ANKRD34A: variants seen among roughly 807,000 people sequenced by gnomAD.
The protein encoded by ANKRD34A is ankyrin repeat domain 34A, also known as ankyrin repeat domain-containing protein 34A.
In ANKRD34A, 7 loss-of-function variants were observed where a neutral mutation model predicts 27.1. The ratio of observed to expected loss-of-function variants is 0.26; its 90% confidence interval spans 0.15 to 0.49. The LOEUF (loss-of-function observed/expected upper bound fraction) is 0.49. ANKRD34A is among the 20% of genes least tolerant of loss of function. The pLI, the probability that ANKRD34A is intolerant of heterozygous loss-of-function variation, is 0.99. For missense variants in ANKRD34A, 472 were observed against 682.1 expected (o/e 0.69, Z 3.43); for synonymous variants, 301 against 300.8 (o/e 1.00, Z -0.01).
rs940693557 is a variant in ANKRD34A at position 145,961,832 on chromosome 1, G to A, written c.-73C>T. The A allele has an allele frequency of 1.0e-5, 15 of 1,489,434 alleles. No individual in the cohort carries two copies. The highest frequency in any genetic ancestry group is 1.3e-5 in the South Asian group (1 of 77,018). 92.3% of individuals were successfully genotyped at this position (1,489,434 alleles called of 1,614,324 possible). A position where few individuals can be genotyped will look rare whatever the true frequency, so the allele number is the denominator to read the frequency against. Reference sequence around the variant, plus strand: ...CCGAGGATGACTAGGGGTATGGGGAGGGGGAGTGGCTGGCAGAGGCCTGAG... The same window carrying A: ...CCGAGGATGACTAGGGGTATGGGGAAGGGGAGTGGCTGGCAGAGGCCTGAG... On this transcript the variant is annotated 5_prime_UTR_variant, in exon 4 of 4. Transcript: ENST00000606888. This position sits in a 1 kb window ranked among gnomAD's most constrained non-coding sequence, Gnocchi z 9.5.
Position 145,959,968 on chromosome 1 carries a change from A to C in ANKRD34A, c.*301T>G. On this transcript the variant is annotated 3_prime_UTR_variant, in exon 4 of 4. Transcript: ENST00000606888. ...CTGAACAAATGCAAGAGAGTTTGGGACCCTAGCCCTGTGTGTTTATTGATA... is the reference window on the plus strand; with the variant it reads ...CTGAACAAATGCAAGAGAGTTTGGGCCCCTAGCCCTGTGTGTTTATTGATA... The C allele has an allele frequency of 2.7e-6, 1 of 371,602 alleles. No individual in the cohort carries two copies. The highest frequency in any genetic ancestry group is 5.0e-6 in the Non-Finnish European group (1 of 200,324). 23.0% of individuals were successfully genotyped at this position (371,602 alleles called of 1,614,324 possible).
rs1553761186 is a variant in ANKRD34A at position 145,960,652 on chromosome 1, T to G, written c.1108A>C (p.Thr370Pro). Residue 370 changes from threonine to proline, a missense_variant, in exon 4 of 4, where the codon ACC (threonine) becomes CCC (proline). Coordinates refer to ENST00000606888, the MANE Select transcript of ANKRD34A (RefSeq NM_001039888.4). This position sits in a 1 kb window ranked among gnomAD's most constrained non-coding sequence, Gnocchi z 5.5. Reference sequence around the variant, plus strand: ...GGAGCCGAGCCGGCTGGAGGGAGGGTCAACGGGGAGGCGCTGTATCGGCGG... The same window carrying G: ...GGAGCCGAGCCGGCTGGAGGGAGGGGCAACGGGGAGGCGCTGTATCGGCGG... ...ERRRYSASPL[T>P]LPPAGSAPSP... The G allele has an allele frequency of 1.3e-6, 2 of 1,594,328 alleles. No individual in the cohort carries two copies. Among genetic ancestry groups the G allele is most frequent in the Non-Finnish European group, 1.7e-6 (2 of 1,168,492 alleles).
At position 145,960,341 on chromosome 1, in the gene ANKRD34A, G is replaced by A. The variant is rs781823824; in HGVS notation, c.1419C>T (p.Ser473=). The stretch of plus-strand genomic sequence containing the variant: ...GCAGGCGGATCTGCTCAGTCTGCAT[G>A]GAGTGGCGTCTCACCAATTTGCGCT... ...RTKRKLVRRH[S]MQTEQIRLLG... The change falls in exon 4 of 4, where the codon TCC becomes TCT. Residue 473 remains serine (S), a synonymous_variant. Transcript: ENST00000606888. The surrounding 1 kb of genome is among the most constrained non-coding windows in gnomAD (Gnocchi z 5.5). The A allele has an allele frequency of 1.6e-5, 26 of 1,612,914 alleles. No individual in the cohort carries two copies. Among genetic ancestry groups the A allele is most frequent in the Non-Finnish European group, 2.2e-5 (26 of 1,179,338 alleles).
At position 145,964,203 on chromosome 1, in the gene ANKRD34A, C is replaced by A. The variant is rs1360505399; in HGVS notation, c.-916G>T. 6.6e-6 allele frequency: 1 copy of A among 152,498 alleles called. No individual in the cohort carries two copies. The highest frequency in any genetic ancestry group is 1.5e-5 in the Non-Finnish European group (1 of 68,144). 9.4% of individuals were successfully genotyped at this position (152,498 alleles called of 1,614,324 possible). A position where few individuals can be genotyped will look rare whatever the true frequency, so the allele number is the denominator to read the frequency against. On this transcript the variant is annotated 5_prime_UTR_variant, in exon 1 of 4. Coordinates refer to ENST00000606888, the MANE Select transcript of ANKRD34A (RefSeq NM_001039888.4). ...GCCCACCTTCTCACAGACACGGCAGCAACCCACAGAAAAACATTTTTAGAA... is the reference window on the plus strand; with the variant it reads ...GCCCACCTTCTCACAGACACGGCAGAAACCCACAGAAAAACATTTTTAGAA...
In ANKRD34A at chr1:145,962,870, T is replaced by G; in HGVS notation, c.-570A>C. 6.6e-6 allele frequency: 1 copy of G among 152,322 alleles called. No homozygotes were observed. The highest frequency in any genetic ancestry group is 1.9e-4 in the East Asian group (1 of 5,190). 9.4% of individuals were successfully genotyped at this position (152,322 alleles called of 1,614,324 possible). A position where few individuals can be genotyped will look rare whatever the true frequency, so the allele number is the denominator to read the frequency against. ...ACCCAGACAGGGACCATCATCCAGA[T>G]TCTTCGCTGAGATTCAGCAGATCCC... On this transcript the variant is annotated 5_prime_UTR_variant, in exon 3 of 4. Transcript: ENST00000606888.
chr1:145,960,252 G>A lies in ANKRD34A; in HGVS notation c.*17C>T, dbSNP rs1029591017. On this transcript the variant is annotated 3_prime_UTR_variant, in exon 4 of 4. Transcript: ENST00000606888. The surrounding 1 kb of genome is among the most constrained non-coding windows in gnomAD (Gnocchi z 5.5). ...TAAGGTCCTAATCCCCACCCTCCTT[G>A]GCTCCTCTCACTCCTCTCAGCGCCC... 2.0e-6 allele frequency: 3 copies of A among 1,503,606 alleles called. No homozygotes were observed. In the East Asian group the frequency reaches 7.0e-5, roughly 35 times the overall value. 93.1% of individuals were successfully genotyped at this position (1,503,606 alleles called of 1,614,324 possible).
chr1:145,964,435 T>G lies in ANKRD34A; in HGVS notation c.-1148A>C, dbSNP rs1423243196. On this transcript the variant is annotated 5_prime_UTR_variant, in exon 1 of 4. Coordinates refer to ENST00000606888, the MANE Select transcript of ANKRD34A (RefSeq NM_001039888.4). ...CTCAACACGGTCCCTCGATGAGATA[T>G]GAGTGTCACGTTCCCTCGGTGAACT... is the stretch of plus-strand genomic sequence containing the variant. 2 of 152,366 alleles carry G rather than the reference T, an allele frequency of 1.3e-5. No homozygotes were observed. Among genetic ancestry groups the G allele is most frequent in the East Asian group, 1.9e-4 (1 of 5,184 alleles). The allele number at this position is 152,366 out of a possible 1,614,324, so 9.4% of individuals were successfully genotyped here.
chr1:145,961,224 C>T lies in ANKRD34A; in HGVS notation c.536G>A (p.Gly179Glu), dbSNP rs1649742594. The T allele has an allele frequency of 6.2e-7, 1 of 1,613,952 alleles. No individual in the cohort carries two copies. Among genetic ancestry groups the T allele is most frequent in the East Asian group, 2.2e-5 (1 of 44,864 alleles). Residue 179 changes from glycine (G) to glutamate (E), a missense_variant, in exon 4 of 4, where the codon GGG (glycine) becomes GAG (glutamate). By Grantham distance (98) the Gly-to-Glu change is moderately conservative. This residue lies in a region of ANKRD34A where 295 missense variants were observed against 335.0 expected (regional missense o/e 0.88). Transcript: ENST00000606888. The surrounding 1 kb of genome is among the most constrained non-coding windows in gnomAD (Gnocchi z 9.5). ...GATTTCCGAAGGCGACGTGCAGAAC[C>T]CCGGGCTAGGAGAGGCGGGAGCAGG... Reference protein sequence around the residue: ...EDPAPASPSPGFCTSPSEIQL... With the variant: ...EDPAPASPSPEFCTSPSEIQL...
Position 145,964,301 on chromosome 1 carries a change from C to T in ANKRD34A, c.-1014G>A, listed in dbSNP as rs1235302748. The T allele has an allele frequency of 1.3e-5, 2 of 152,882 alleles. No individual in the cohort carries two copies. Among genetic ancestry groups the T allele is most frequent in the African/African-American group, 4.8e-5 (2 of 41,534 alleles). 9.5% of individuals were successfully genotyped at this position (152,882 alleles called of 1,614,324 possible). On this transcript the variant is annotated 5_prime_UTR_variant, in exon 1 of 4. Coordinates refer to ENST00000606888, the MANE Select transcript of ANKRD34A (RefSeq NM_001039888.4). ...AGGAAGGCTGGAGTAATGGAGAGACCAAGCTATGAAGCTAGAGTCACAAAA... is the reference window on the plus strand; with the variant it reads ...AGGAAGGCTGGAGTAATGGAGAGACTAAGCTATGAAGCTAGAGTCACAAAA...
Position 145,961,153 on chromosome 1 carries a change from G to C in ANKRD34A, c.607C>G (p.Arg203Gly), listed in dbSNP as rs149951044. The part of the protein sequence containing the change: ...GGGGRGMLSP[R>G]AQEEEEKRDV... Reference sequence around the variant, plus strand: ...CGCTTCTCCTCTTCTTCCTGGGCGCGAGGGGATAACATCCCACGCCCTCCT... The same window carrying C: ...CGCTTCTCCTCTTCTTCCTGGGCGCCAGGGGATAACATCCCACGCCCTCCT... Residue 203 changes from arginine to glycine, a missense_variant, in exon 4 of 4, where the codon CGC (arginine) becomes GGC (glycine). By Grantham distance (125) the Arg-to-Gly change is moderately radical. This residue lies in a region of ANKRD34A where 295 missense variants were observed against 335.0 expected (regional missense o/e 0.88). Coordinates refer to ENST00000606888, the MANE Select transcript of ANKRD34A (RefSeq NM_001039888.4). This position sits in a 1 kb window ranked among gnomAD's most constrained non-coding sequence, Gnocchi z 9.5. The C allele has an allele frequency of 6.2e-7, 1 of 1,614,162 alleles. No homozygotes were observed. The highest frequency in any genetic ancestry group is 1.3e-5 in the African/African-American group (1 of 75,046).
In ANKRD34A at chr1:145,961,911, G is replaced by T; in HGVS notation, c.-120-32C>A. 1.1e-6 allele frequency: 1 copy of T among 939,958 alleles called. No homozygotes were observed. The highest frequency in any genetic ancestry group is 1.5e-6 in the Non-Finnish European group (1 of 650,800). 58.2% of individuals were successfully genotyped at this position (939,958 alleles called of 1,614,324 possible). ...GAGAGACATCTCATTGATAGATTCG[G>T]CAGGAAAACTGAGGCACAGATGCAG... On this transcript the variant is annotated intron_variant, in intron 3 of 3. Transcript: ENST00000606888. This position sits in a 1 kb window ranked among gnomAD's most constrained non-coding sequence, Gnocchi z 9.5.
Position 145,961,188 on chromosome 1 carries a change from G to T in ANKRD34A, c.572C>A (p.Thr191Asn). 6.2e-7 allele frequency: 1 copy of T among 1,614,170 alleles called. No homozygotes were observed. The highest frequency in any genetic ancestry group is 2.2e-5 in the East Asian group (1 of 44,880). ...CTSPSEIQLQ[T>N]AGGGGRGMLS... ...CATCCCACGCCCTCCTCCTCCAGCG[G>T]TCTGCAGTTGGATTTCCGAAGGCGA... Residue 191 changes from threonine to asparagine, a missense_variant, in exon 4 of 4, where the codon ACC becomes AAC. Around this residue, in one of 4 missense-constraint regions of ANKRD34A, gnomAD observed 295 missense variants for 335.0 expected, o/e 0.88. Coordinates refer to ENST00000606888, the MANE Select transcript of ANKRD34A (RefSeq NM_001039888.4). This position sits in a 1 kb window ranked among gnomAD's most constrained non-coding sequence, Gnocchi z 9.5.
At position 145,961,976 on chromosome 1, in the gene ANKRD34A, G is replaced by C. The variant is rs190240217; in HGVS notation, c.-120-97C>G. On this transcript the variant is annotated intron_variant, in intron 3 of 3. Coordinates refer to ENST00000606888, the MANE Select transcript of ANKRD34A (RefSeq NM_001039888.4). The surrounding 1 kb of genome is among the most constrained non-coding windows in gnomAD (Gnocchi z 9.5). ...GTGGAGGAGACCTTCACGGCATACA[G>C]TCCTTCCTCTAACTCATGCCTTTGA... The C allele has an allele frequency of 5.1e-6, 3 of 582,746 alleles. No individual in the cohort carries two copies. The African/African-American group carries it at 5.8e-5, about 11-fold the overall frequency. 36.1% of individuals were successfully genotyped at this position (582,746 alleles called of 1,614,324 possible). A position where few individuals can be genotyped will look rare whatever the true frequency, so the allele number is the denominator to read the frequency against.
chr1:145,961,179 C>G lies in ANKRD34A; in HGVS notation c.581G>C (p.Gly194Ala). 1 of 1,614,188 alleles carries G rather than the reference C, an allele frequency of 6.2e-7. No individual in the cohort carries two copies. The highest frequency in any genetic ancestry group is 8.5e-7 in the Non-Finnish European group (1 of 1,180,020). ...PSEIQLQTAG[G>A]GGRGMLSPRA... The stretch of plus-strand genomic sequence containing the variant: ...AGGGGATAACATCCCACGCCCTCCT[C>G]CTCCAGCGGTCTGCAGTTGGATTTC... The change falls in exon 4 of 4, where the codon GGA becomes GCA. Residue 194 changes from glycine to alanine, a missense_variant. Transcript: ENST00000606888. This position sits in a 1 kb window ranked among gnomAD's most constrained non-coding sequence, Gnocchi z 9.5.
chr1:145,963,115 C>G (rs1649864220), intron 2 of ANKRD34A, 147 bp from the exon 3 acceptor site: 1 of 152,592 alleles, frequency 6.6e-6, no homozygotes, highest in Non-Finnish European at 1.5e-5. Context: ...AGATACACCC[C>G]CGCCCCATCT....
rs1649833507 is a variant in ANKRD34A at position 145,962,613 on chromosome 1, G to A, written c.-313C>T. On this transcript the variant is annotated 5_prime_UTR_variant, in exon 3 of 4. Coordinates refer to ENST00000606888, the MANE Select transcript of ANKRD34A (RefSeq NM_001039888.4). The stretch of plus-strand genomic sequence containing the variant: ...CCGGAGCGCCCCGGGCACAGCGCCG[G>A]CTCGGGAGGAGAGAAGCTTGGCGGG... 7.6e-6 allele frequency: 1 copy of A among 131,104 alleles called. No individual in the cohort carries two copies. The allele number at this position is 131,104 out of a possible 1,614,324, so 8.1% of individuals were successfully genotyped here.
Position 145,960,807 on chromosome 1 carries a change from G to A in ANKRD34A, c.953C>T (p.Pro318Leu), listed in dbSNP as rs781956817. The change falls in exon 4 of 4, where the codon CCA becomes CTA. Residue 318 changes from proline to leucine, a missense_variant. This residue lies in a region of ANKRD34A where 295 missense variants were observed against 335.0 expected (regional missense o/e 0.88). Coordinates refer to ENST00000606888, the MANE Select transcript of ANKRD34A (RefSeq NM_001039888.4). This position sits in a 1 kb window ranked among gnomAD's most constrained non-coding sequence, Gnocchi z 5.5. ...AGGGGGACCAGACTCCTGAGCTTCT[G>A]GTGCTGTGTTTCGGCGAGAGAGAGG... Reference protein sequence around the residue: ...GGPLSRRNTAPEAQESGPPSG... With the variant: ...GGPLSRRNTALEAQESGPPSG... 6 of 1,614,142 alleles carry A rather than the reference G, an allele frequency of 3.7e-6. No homozygotes were observed. In the African/African-American group the frequency reaches 8.0e-5, roughly 22 times the overall value.
Position 145,960,682 on chromosome 1 carries a change from C to G in ANKRD34A, c.1078G>C (p.Glu360Gln). The change falls in exon 4 of 4, where the codon GAG (glutamate) becomes CAG (glutamine). Residue 360 changes from glutamate to glutamine, a missense_variant. Coordinates refer to ENST00000606888, the MANE Select transcript of ANKRD34A (RefSeq NM_001039888.4). The surrounding 1 kb of genome is among the most constrained non-coding windows in gnomAD (Gnocchi z 5.5). ...GGGGAGGCGCTGTATCGGCGGCGCT[C>G]CAGGGACAGGCGGCTGGACTCAGGC... ...DSPESSRLSL[E>Q]RRRYSASPLT... is the part of the protein sequence containing the mutation. The G allele has an allele frequency of 6.2e-7, 1 of 1,607,286 alleles. No individual in the cohort carries two copies. Among genetic ancestry groups the G allele is most frequent in the Non-Finnish European group, 8.5e-7 (1 of 1,176,266 alleles).
At position 145,961,430 on chromosome 1, in the gene ANKRD34A, C is replaced by T. The variant is rs1172853960; in HGVS notation, c.330G>A (p.Ala110=). 2 of 1,610,278 alleles carry T rather than the reference C, an allele frequency of 1.2e-6. No homozygotes were observed. Reference sequence around the variant, plus strand: ...GGGCGTGGACAAGAGCCGAGGCGCCCGCGTGATCTCGGACTGAGGGGTCTG... The same window carrying T: ...GGGCGTGGACAAGAGCCGAGGCGCCTGCGTGATCTCGGACTGAGGGGTCTG... ...HGADPSVRDH[A]GASALVHALD... is the part of the protein sequence containing the mutation. Residue 110 remains alanine, a synonymous_variant, in exon 4 of 4, where the codon GCG becomes GCA. Coordinates refer to ENST00000606888, the MANE Select transcript of ANKRD34A (RefSeq NM_001039888.4). The surrounding 1 kb of genome is among the most constrained non-coding windows in gnomAD (Gnocchi z 9.5).
Sources: allele counts gnomAD v4.1 joint callset, GRCh38; gene constraint gnomAD v4.1.1; regional missense constraint gnomAD v4.1.1; non-coding constraint Gnocchi (gnomAD v3.1); transcripts MANE v1.5; gene names NCBI Gene and HGNC (gene_info 2026-07-23, HGNC 2026-07-21).